Variants in KCNAB1 observed in about 807,000 individuals in gnomAD.
KCNAB1 encodes potassium voltage-gated channel subfamily A regulatory beta subunit 1.
A neutral mutation model predicts 64.6 loss-of-function variants in KCNAB1; 35 were observed. The observed-to-expected ratio is 0.54, with a 90% CI of 0.41 to 0.72. The LOEUF is 0.72. KCNAB1 is among the 30% of genes least tolerant of loss of function. KCNAB1 has a pLI of 0.00. For missense variants in KCNAB1, 401 were observed against 512.9 expected (o/e 0.78, Z 2.11); for synonymous variants, 177 against 183.8 (o/e 0.96, Z 0.30).
intron 1 of KCNAB1, among the ~76,000 whole-genome samples, chr3:156,335,360 C>T (rs1723617964): frequency 6.6e-6 from 1 of 152,194 alleles, no homozygotes; most frequent in Admixed American, 6.5e-5. Flanking sequence ...AGGAAAGTGG[C>T]TACTCCCTCT....
intron 1 of KCNAB1, 41 bp from the exon 2 acceptor site, chr3:156,421,575 T>G: frequency 6.2e-7 from 1 of 1,602,134 alleles, no homozygotes; most frequent in South Asian, 1.1e-5. Context: ...CAGTTCCACC[T>G]GAGGAAATGA....
intron 1 of KCNAB1, among the ~76,000 whole-genome samples, chr3:156,262,951 C>A (rs1718510507): frequency 6.6e-6 from 1 of 151,604 alleles, no homozygotes; most frequent in Non-Finnish European, 1.5e-5. Flanking sequence ...TGAAGTTGTT[C>A]ATATTTTCTT....
intron 1 of KCNAB1, among the ~76,000 whole-genome samples, chr3:156,203,914 T>G (rs1448437022): frequency 6.6e-6 from 1 of 152,238 alleles, no homozygotes; most frequent in African/African-American, 2.4e-5. Flanking sequence ...CTTCTAAACT[T>G]CTGTGATTAC....
chr3:156,201,624 C>T (rs1316560067), intron 1 of KCNAB1, among the ~76,000 whole-genome samples: 1 of 152,204 alleles, frequency 6.6e-6, no homozygotes, highest in Non-Finnish European at 1.5e-5. Context: ...CCATGTCCAC[C>T]AATGCTCTGA....
chr3:156,246,851 T>C (rs923452255), intron 1 of KCNAB1, among the ~76,000 whole-genome samples: 1 of 152,214 alleles, frequency 6.6e-6, no homozygotes, highest in South Asian at 2.1e-4. Flanking sequence ...TGAGTGTTTA[T>C]AAACAAGGGA....
At position 156,297,285 on chromosome 3, in the gene KCNAB1, T is replaced by TTA. The variant is rs1553842798; in HGVS notation, c.276-124331_276-124330insTA. 5.8e-5 allele frequency among the ~76,000 whole-genome samples: 8 copies of TTA among 138,674 alleles called. No homozygotes were observed. In the East Asian group the frequency reaches 1.5e-3, roughly 25 times the overall value. The allele number at this position is 138,674 out of a possible 152,430, so 91.0% of individuals were successfully genotyped here. ...TTTTTTTTTTTTTTTTTTTTTTTTT[T>TTA]ACTCAGAGGGTTTGTACAGGGAAGT... On this transcript the variant is annotated intron_variant, in intron 1 of 13. Coordinates refer to ENST00000490337, the MANE Select transcript of KCNAB1 (RefSeq NM_172160.3).
chr3:156,326,208 A>G (rs1029089487), intron 1 of KCNAB1, among the ~76,000 whole-genome samples: 2 of 152,082 alleles, frequency 1.3e-5, no homozygotes, highest in Non-Finnish European at 2.9e-5. Context: ...GTGCTTATTT[A>G]TAACCCCTAA....
intron 1 of KCNAB1, among the ~76,000 whole-genome samples, chr3:156,165,412 G>A (rs1034174305): frequency 6.6e-6 from 1 of 152,064 alleles, no homozygotes; most frequent in African/African-American, 2.4e-5. Context: ...GATATTGTGT[G>A]TGGTCAGTGG....
At position 156,142,126 on chromosome 3, in the gene KCNAB1, A is replaced by G. The variant is rs188549876; in HGVS notation, c.275+21240A>G. The stretch of plus-strand genomic sequence containing the variant: ...TATGTTTTTATTGTTGAGTTTGGAG[A>G]GTTCTTTGTATGTTCTAGATATAAG... On this transcript the variant is annotated intron_variant, in intron 1 of 13. Coordinates refer to ENST00000490337, the MANE Select transcript of KCNAB1 (RefSeq NM_172160.3). Among the ~76,000 whole-genome samples, 456 of 151,972 alleles carry G rather than the reference A, an allele frequency of 3.0e-3. 2 individuals carry two copies. The highest frequency in any genetic ancestry group is 0.011 in the African/African-American group (441 of 41,428).
At chr3:156,179,017 AAAAAAAAAAAT>A (rs1244957028) in intron 1 of KCNAB1, among the ~76,000 whole-genome samples, 1 of 118,322 alleles carries the variant, frequency 8.5e-6, no homozygotes, top group Non-Finnish European at 1.9e-5. Flanking sequence ...AAAAAAAAAA[AAAAAAAAAAAT>A]TGATTATTTT....
chr3:156,307,899 A>G (rs1226881833), intron 1 of KCNAB1, among the ~76,000 whole-genome samples: 1 of 152,258 alleles, frequency 6.6e-6, no homozygotes, highest in East Asian at 1.9e-4. Flanking sequence ...GATTCATTCA[A>G]TAAACATTCC....
At chr3:156,477,853 A>G (rs1714485301) in intron 8 of KCNAB1, among the ~76,000 whole-genome samples, 1 of 152,136 alleles carries the variant, frequency 6.6e-6, no homozygotes, top group South Asian at 2.1e-4. Flanking sequence ...AAATGGGGGG[A>G]AAACAAGGTG....
intron 1 of KCNAB1, among the ~76,000 whole-genome samples, chr3:156,224,795 C>T (rs1026312838): frequency 6.6e-6 from 1 of 152,128 alleles, no homozygotes; most frequent in African/African-American, 2.4e-5. Context: ...CTATGAACAC[C>T]TTTACATGCA....
chr3:156,441,434 G>A (rs1245351678), intron 2 of KCNAB1: 1 of 151,776 alleles, frequency 6.6e-6, no homozygotes, highest in African/African-American at 2.4e-5. Context: ...ACTTACTGTG[G>A]AAAACCAAAA....
intron 1 of KCNAB1, among the ~76,000 whole-genome samples, chr3:156,258,503 C>T (rs184283159): frequency 6.6e-5 from 10 of 152,300 alleles, no homozygotes; most frequent in East Asian, 3.9e-4. Flanking sequence ...CAGCCCACAC[C>T]GTAGCAAGTC....
At chr3:156,379,964 A>T (rs1272857710) in intron 1 of KCNAB1, among the ~76,000 whole-genome samples, 1 of 152,188 alleles carries the variant, frequency 6.6e-6, no homozygotes, top group African/African-American at 2.4e-5. Flanking sequence ...AGTCAGGACT[A>T]GTGCTAAGGT....
At chr3:156,368,877 CA>C (rs1033354062) in intron 1 of KCNAB1, among the ~76,000 whole-genome samples, 1 of 152,204 alleles carries the variant, frequency 6.6e-6, no homozygotes, top group Non-Finnish European at 1.5e-5. Context: ...ATTATAGCCC[CA>C]AGCTCCTTGG....
intron 11 of KCNAB1, among the ~76,000 whole-genome samples, chr3:156,522,604 G>T (rs1387815788): frequency 6.6e-6 from 1 of 152,128 alleles, no homozygotes; most frequent in African/African-American, 2.4e-5. Flanking sequence ...AAACTGGGGC[G>T]GCTTGCCCTT....
intron 2 of KCNAB1, among the ~76,000 whole-genome samples, chr3:156,433,240 C>T (rs986718115): frequency 5.9e-5 from 9 of 152,216 alleles, no homozygotes; most frequent in African/African-American, 1.9e-4. Flanking sequence ...CCCTAAAGGA[C>T]ACCCTGCATT....
Sources: allele counts gnomAD v4.1 joint callset (sites outside exome capture counted in the v4.1 genomes callset), GRCh38; gene constraint gnomAD v4.1.1; transcripts MANE v1.5; gene names NCBI Gene and HGNC (gene_info 2026-07-23, HGNC 2026-07-21).